Variants in ALMS1 observed in about 807,000 individuals in gnomAD.
ALMS1 encodes ALMS1 centrosome and basal body associated protein, also known as centrosome-associated protein ALMS1.
In ALMS1, 271 loss-of-function variants were observed where a neutral mutation model predicts 352.2. The ratio of observed to expected loss-of-function variants is 0.77; its 90% CI spans 0.70 to 0.85. ALMS1 has a LOEUF of 0.85. ALMS1 is among the 40% of genes least tolerant of loss of function. The probability of loss-of-function intolerance (pLI) is 0.00; values close to 1 mark genes in which losing one functional copy is unlikely to be tolerated. For synonymous variants in ALMS1, 1,865 were observed against 1,761.2 expected, an observed-to-expected ratio of 1.06 and a Z score of -1.48; for missense variants, 5,445 against 4,870.7, an observed-to-expected ratio of 1.12 and a Z score of -3.51.
chr2:73,390,374 T>C (rs1670620110), intron 1 of ALMS1, among the ~76,000 whole-genome samples: 1 of 152,222 alleles, frequency 6.6e-6, no homozygotes, highest in Non-Finnish European at 1.5e-5. Flanking sequence ...AACATTAATT[T>C]CATCCAGTTT....
chr2:73,493,335 A>T (rs11901274), intron 10 of ALMS1, among the ~76,000 whole-genome samples: 2 of 146,790 alleles, frequency 1.4e-5, no homozygotes, highest in Admixed American at 1.4e-4. Context: ...CAGTCCATAA[A>T]TAAGGCAAAC....
intron 9 of ALMS1, among the ~76,000 whole-genome samples, chr2:73,484,362 G>C (rs1416477382): frequency 6.6e-6 from 1 of 150,560 alleles, no homozygotes; most frequent in East Asian, 1.9e-4. Context: ...TGAAATTCTG[G>C]GTTGAAAATT....
At chr2:73,516,172 C>G (rs1421237008) in intron 10 of ALMS1, among the ~76,000 whole-genome samples, 1 of 152,096 alleles carries the variant, frequency 6.6e-6, no homozygotes, top group Non-Finnish European at 1.5e-5. Flanking sequence ...GACATACTTG[C>G]AGCCAACAAA....
rs761071372 is a variant in ALMS1 at position 73,453,324 on chromosome 2, T to A, written c.6797T>A (p.Leu2266Ter). The change falls in exon 8 of 23, where the codon TTG becomes TAG. Residue 2266 changes from leucine (L) to a stop codon, truncating the protein, a stop_gained. Coordinates refer to ENST00000613296, the MANE Select transcript of ALMS1 (RefSeq NM_001378454.1). LOFTEE classifies it high-confidence loss of function. ...ACTCTTAAGGAAATTCGGACACTTT[T>A]GATGGAGGCAGAAAATATGGCACTG... ...AKTLKEIRTLLMEAENMALKR... is the reference protein window; with the variant it reads ...AKTLKEIRTL 5 of 1,613,926 alleles carry A rather than the reference T, an allele frequency of 3.1e-6. No homozygotes were observed. The highest frequency in any genetic ancestry group is 3.4e-6 in the Non-Finnish European group (4 of 1,179,978).
At chr2:73,580,915 C>G (rs1675163464) in intron 16 of ALMS1, among the ~76,000 whole-genome samples, 1 of 152,152 alleles carries the variant, frequency 6.6e-6, no homozygotes, top group African/African-American at 2.4e-5. Flanking sequence ...GAAAATTCCC[C>G]AAGTCTTTGC....
Position 73,500,508 on chromosome 2 carries a change from T to G in ALMS1, c.9539+9010T>G, listed in dbSNP as rs74997185. ...TTGAAGGTTTCCCTTCTTCAGAACTTTAGGCTCCTGCCAGCCTCTGTTACT... is the reference window on the plus strand; with the variant it reads ...TTGAAGGTTTCCCTTCTTCAGAACTGTAGGCTCCTGCCAGCCTCTGTTACT... On this transcript the variant is annotated intron_variant, in intron 10 of 22. Coordinates refer to ENST00000613296, the MANE Select transcript of ALMS1 (RefSeq NM_001378454.1). Among the ~76,000 whole-genome samples, 1,164 of 152,220 alleles carry G rather than the reference T, an allele frequency of 7.6e-3. 10 individuals carry two copies. Among genetic ancestry groups the G allele is most frequent in the African/African-American group, 0.027 (1,112 of 41,540 alleles).
In ALMS1 at chr2:73,449,787, C is replaced by A. The variant is rs1369981510; in HGVS notation, c.3260C>A (p.Thr1087Asn). 7 of 1,614,026 alleles carry A rather than the reference C, an allele frequency of 4.3e-6. No individual in the cohort carries two copies. Among genetic ancestry groups the A allele is most frequent in the African/African-American group, 2.7e-5 (2 of 74,916 alleles). Residue 1087 changes from threonine to asparagine, a missense_variant, in exon 8 of 23, where the codon ACT (threonine) becomes AAT (asparagine). By Grantham distance (65) the Thr-to-Asn change is moderately conservative. Coordinates refer to ENST00000613296, the MANE Select transcript of ALMS1 (RefSeq NM_001378454.1). ...SAFPGPADQM[T>N]DTPAVPSTFY... ...TTCCCTGGACCAGCTGACCAGATGA[C>A]TGACACACCAGCAGTACCGTCTACT...
At chr2:73,549,597 C>T (rs1674387420) in intron 12 of ALMS1, among the ~76,000 whole-genome samples, 1 of 152,062 alleles carries the variant, frequency 6.6e-6, no homozygotes, top group Non-Finnish European at 1.5e-5. Flanking sequence ...GCCTAAAATG[C>T]CTTTCTTCCT....
Position 73,452,432 on chromosome 2 carries a change from C to G in ALMS1, c.5905C>G (p.Pro1969Ala), listed in dbSNP as rs552496175. 9.9e-6 allele frequency: 16 copies of G among 1,613,916 alleles called. No homozygotes were observed. In the Admixed American group the frequency reaches 2.7e-4, roughly 27 times the overall value. The change falls in exon 8 of 23, where the codon CCT becomes GCT. Residue 1969 changes from proline (P) to alanine (A), a missense_variant. Pro to Ala is a conservative substitution (Grantham distance 27). Coordinates refer to ENST00000613296, the MANE Select transcript of ALMS1 (RefSeq NM_001378454.1). ...HLTEEALKVS[P>A]VSIPAEQKTG... ...CACAGAAGAGGCTCTGAAAGTTTCA[C>G]CTGTTTCTATACCAGCAGAGCAGAA...
At chr2:73,550,114 C>T (rs1674398324) in intron 12 of ALMS1, among the ~76,000 whole-genome samples, 153 bp from the exon 13 acceptor site, 1 of 152,216 alleles carries the variant, frequency 6.6e-6, no homozygotes, top group Admixed American at 6.5e-5. Flanking sequence ...CCTGCCTCCA[C>T]CTTCCAAAGT....
chr2:73,599,325 G>A, intron 16 of ALMS1, 76 bp from the exon 17 acceptor site: 1 of 1,578,764 alleles, frequency 6.3e-7, no homozygotes. Context: ...AAGAGGACTT[G>A]TTGGCTTGCT....
intron 14 of ALMS1, among the ~76,000 whole-genome samples, chr2:73,558,486 C>T (rs868311543): frequency 2.0e-5 from 3 of 152,204 alleles, no homozygotes; most frequent in Non-Finnish European, 2.9e-5. Context: ...TCTTTTAGCA[C>T]TGTCTTCTAG....
intron 12 of ALMS1, among the ~76,000 whole-genome samples, chr2:73,541,435 T>G (rs1674177409): frequency 6.6e-6 from 1 of 152,104 alleles, no homozygotes; most frequent in Non-Finnish European, 1.5e-5. Flanking sequence ...GATCGAAAAT[T>G]GACAGCCTAA....
At chr2:73,419,689 A>C (rs1671248724) in intron 3 of ALMS1, among the ~76,000 whole-genome samples, 1 of 152,144 alleles carries the variant, frequency 6.6e-6, no homozygotes, top group Non-Finnish European at 1.5e-5. Flanking sequence ...ACAAATGTTC[A>C]TATTTACCTT....
At chr2:73,419,746 T>A (rs1671249901) in intron 3 of ALMS1, among the ~76,000 whole-genome samples, 1 of 152,234 alleles carries the variant, frequency 6.6e-6, no homozygotes, top group African/African-American at 2.4e-5. Context: ...TCCTTAGCTT[T>A]CAAACCAAAA....
intron 15 of ALMS1, among the ~76,000 whole-genome samples, chr2:73,568,838 A>G (rs1674856864): frequency 6.6e-6 from 1 of 152,014 alleles, no homozygotes; most frequent in Non-Finnish European, 1.5e-5. Flanking sequence ...TGTTATGAGT[A>G]AAATTAATTC....
At position 73,572,586 on chromosome 2, in the gene ALMS1, A is replaced by G. The variant is rs2104104820; in HGVS notation, c.10709A>G (p.Tyr3570Cys). ...MDTTKSQVRD[Y>C]PKHNGQISDP... is the part of the protein sequence containing the mutation. ...ACTACTAAAAGTCAAGTTAGAGATTATCCAAAACATAATGGACAAATTAGT... is the reference window on the plus strand; with the variant it reads ...ACTACTAAAAGTCAAGTTAGAGATTGTCCAAAACATAATGGACAAATTAGT... Residue 3570 changes from tyrosine (Y) to cysteine (C), a missense_variant, in exon 16 of 23, where the codon TAT becomes TGT. Physicochemically the swap from Tyr to Cys is radical, Grantham distance 194. Coordinates refer to ENST00000613296, the MANE Select transcript of ALMS1 (RefSeq NM_001378454.1). The G allele has an allele frequency of 4.3e-6, 7 of 1,613,944 alleles. No individual in the cohort carries two copies. Among genetic ancestry groups the G allele is most frequent in the South Asian group, 1.1e-5 (1 of 91,060 alleles).
intron 15 of ALMS1, among the ~76,000 whole-genome samples, chr2:73,565,524 G>T (rs931204857): frequency 6.6e-6 from 1 of 152,158 alleles, no homozygotes; most frequent in Non-Finnish European, 1.5e-5. Context: ...CATCAGGGAG[G>T]TGGAACATAA....
intron 1 of ALMS1, among the ~76,000 whole-genome samples, chr2:73,403,925 A>G (rs1670920769): frequency 6.6e-6 from 1 of 152,122 alleles, no homozygotes. Context: ...TTTGAGACAG[A>G]GTCTCACTCT....
Sources: allele counts gnomAD v4.1 joint callset (sites outside exome capture counted in the v4.1 genomes callset), GRCh38; gene constraint gnomAD v4.1.1; transcripts MANE v1.5; gene names NCBI Gene and HGNC (gene_info 2026-07-23, HGNC 2026-07-21).